The following TC2N variants were observed in gnomAD, a reference collection of about 807,000 sequenced individuals.
The protein encoded by TC2N is tandem C2 domains nuclear protein.
In TC2N, 51 loss-of-function variants were observed where a neutral mutation model predicts 61.9. The ratio of observed to expected loss-of-function variants is 0.82; its 90% CI spans 0.66 to 1.04. TC2N has a LOEUF of 1.04. TC2N is among the 50% of genes least tolerant of loss of function. The pLI is 0.00. For missense variants in TC2N, 556 were observed against 566.7 expected, an observed-to-expected ratio of 0.98 and a Z score of 0.19; for synonymous variants, 204 against 192.6, an observed-to-expected ratio of 1.06 and a Z score of -0.49.
rs762164299 is a variant in TC2N, at chr14:91,812,512, G to A, written c.101C>T (p.Pro34Leu). ...AGAGATAGTAGCATTTTGACTATTT[G>A]GGACTGCTGCTTTAAAATCTCTTTC... Reference protein sequence around the residue: ...SVERDFKAAVPNSQNATISVP... With the variant: ...SVERDFKAAVLNSQNATISVP... The change falls in exon 3 of 12, where the codon CCA (proline) becomes CTA (leucine). Residue 34 changes from proline to leucine, a missense_variant. Transcript: ENST00000435962. 2.5e-6 allele frequency: 4 copies of A among 1,593,624 alleles called. No individual in the cohort carries two copies. The highest frequency in any genetic ancestry group is 2.6e-6 in the Non-Finnish European group (3 of 1,166,478).
chr14:91,791,415 C>T (rs551066814), intron 9 of TC2N, among the ~76,000 whole-genome samples: 17 of 152,004 alleles, frequency 1.1e-4, no homozygotes, highest in African/African-American at 3.1e-4. Flanking sequence ...AATTTAAAAC[C>T]GCATATAGGT....
chr14:91,855,530 T>A (rs1211195263), intron 1 of TC2N, among the ~76,000 whole-genome samples: 1 of 152,250 alleles, frequency 6.6e-6, no homozygotes, highest in Non-Finnish European at 1.5e-5. Flanking sequence ...TGTCCTCTTG[T>A]AAGGACATCA....
intron 9 of TC2N, among the ~76,000 whole-genome samples, chr14:91,789,441 AAG>A (rs1223646692): frequency 3.0e-5 from 4 of 133,866 alleles, no homozygotes; most frequent in African/African-American, 1.5e-4. Flanking sequence ...AAAAAAAAAA[AAG>A]AAGAAGAAAA....
chr14:91,785,224 T>C lies in TC2N; in HGVS notation c.1300A>G (p.Ile434Val). The change falls in exon 11 of 12, where the codon ATT becomes GTT. Residue 434 changes from isoleucine (I) to valine (V), a missense_variant. Coordinates refer to ENST00000435962, the MANE Select transcript of TC2N (RefSeq NM_001128596.3). Reference sequence around the variant, plus strand: ...CTGTAAAGCTTAATGAGAAAAACAATTTCTTTTTCACTCTGTATAAGTGGA... The same window carrying C: ...CTGTAAAGCTTAATGAGAAAAACAACTTCTTTTTCACTCTGTATAAGTGGA... ...IFPLIQSEKE[I>V]VFLIKLYSRS... is the part of the protein sequence containing the mutation. 6.2e-7 allele frequency: 1 copy of C among 1,613,702 alleles called. No individual in the cohort carries two copies. The highest frequency in any genetic ancestry group is 1.1e-5 in the South Asian group (1 of 91,062).
At position 91,797,866 on chromosome 14, in the gene TC2N, G is replaced by A; in HGVS notation, c.774C>T (p.Asp258=). ...TTCCTTTTATAGAAACAGTAGGAGT[G>A]TCTCCATAACTAGAGGGCCAACTTA... The part of the protein sequence containing the change: ...RDLSWPSSYG[D]TPTVSIKGIL... The change falls in exon 8 of 12, where the codon GAC becomes GAT. Residue 258 remains aspartate, a synonymous_variant. Coordinates refer to ENST00000435962, the MANE Select transcript of TC2N (RefSeq NM_001128596.3). 2 of 1,608,132 alleles carry A rather than the reference G, an allele frequency of 1.2e-6. No individual in the cohort carries two copies. The highest frequency in any genetic ancestry group is 1.7e-6 in the Non-Finnish European group (2 of 1,176,772).
chr14:91,807,006 G>A (rs1346344658), intron 3 of TC2N, among the ~76,000 whole-genome samples: 3 of 152,192 alleles, frequency 2.0e-5, no homozygotes, highest in African/African-American at 7.2e-5. Context: ...TGGCTAAAGG[G>A]GCCAAGGTAC....
At chr14:91,811,149 T>C (rs551476177) in intron 3 of TC2N, among the ~76,000 whole-genome samples, 4 of 152,190 alleles carry the variant, frequency 2.6e-5, no homozygotes, top group African/African-American at 9.6e-5. Context: ...TGTAAAGAGA[T>C]CGTTGAACCC....
intron 7 of TC2N, 21 bp from the exon 8 acceptor site, chr14:91,797,922 G>T: frequency 7.2e-7 from 1 of 1,395,026 alleles, no homozygotes; most frequent in Non-Finnish European, 1.0e-6. Flanking sequence ...TAAAAATACA[G>T]TTTGAATTTT....
At chr14:91,853,088 C>T (rs1888407062) in intron 1 of TC2N, among the ~76,000 whole-genome samples, 1 of 152,050 alleles carries the variant, frequency 6.6e-6, no homozygotes, top group Non-Finnish European at 1.5e-5. Flanking sequence ...AACAAACAAA[C>T]AAACAACGAC....
intron 3 of TC2N, chr14:91,812,026 G>T: frequency 1.1e-5 from 2 of 176,358 alleles, no homozygotes; most frequent in Non-Finnish European, 2.4e-5. Flanking sequence ...TTTTTGAGGT[G>T]CAGTTGGTTA....
chr14:91,810,475 T>C (rs1886714580), intron 3 of TC2N, among the ~76,000 whole-genome samples: 1 of 152,048 alleles, frequency 6.6e-6, no homozygotes, highest in African/African-American at 2.4e-5. Flanking sequence ...CTCCACAACA[T>C]AACATTCAAT....
At chr14:91,824,257 C>T (rs1476966424) in intron 1 of TC2N, among the ~76,000 whole-genome samples, 1 of 152,172 alleles carries the variant, frequency 6.6e-6, no homozygotes, top group Non-Finnish European at 1.5e-5. Context: ...CAGGGGCCTC[C>T]ATGACTCTGC....
intron 1 of TC2N, among the ~76,000 whole-genome samples, chr14:91,843,824 C>G (rs995685420): frequency 6.6e-6 from 1 of 152,128 alleles, no homozygotes; most frequent in African/African-American, 2.4e-5. Flanking sequence ...TTAGTTTACA[C>G]GTTAGTCTCT....
At chr14:91,817,350 A>G (rs1379073830) in intron 1 of TC2N, among the ~76,000 whole-genome samples, 1 of 151,946 alleles carries the variant, frequency 6.6e-6, no homozygotes, top group Non-Finnish European at 1.5e-5. Context: ...CAGCCCCAGC[A>G]TATCAGAGTA....
chr14:91,814,785 T>A (rs890377745), intron 1 of TC2N, among the ~76,000 whole-genome samples: 17 of 151,644 alleles, frequency 1.1e-4, no homozygotes, highest in African/African-American at 3.6e-4. Flanking sequence ...ATAGCATTAC[T>A]CCATGTGAAT....
chr14:91,781,120 TATTAA>T lies in TC2N; in HGVS notation c.*1975_*1979del, dbSNP rs1566755670. On this transcript the variant is annotated 3_prime_UTR_variant, in exon 12 of 12. Transcript: ENST00000435962. ...ATTAAGTTAAATGCATGACTACATA[TATTAA>T]ATTTGGAAATTCAAAGCATTAATAG... The T allele has an allele frequency of 6.6e-6, 1 of 152,112 alleles. No individual in the cohort carries two copies. The highest frequency in any genetic ancestry group is 2.4e-5 in the African/African-American group (1 of 41,442). 9.4% of individuals were successfully genotyped at this position (152,112 alleles called of 1,614,324 possible).
chr14:91,787,373 T>C, intron 10 of TC2N, 140 bp downstream of exon 10: 1 of 552,504 alleles, frequency 1.8e-6, no homozygotes, highest in South Asian at 3.1e-5. Context: ...TTTGAAATCT[T>C]ATAATTTTAA....
chr14:91,843,595 C>G (rs1201396077), intron 1 of TC2N, among the ~76,000 whole-genome samples: 1 of 152,202 alleles, frequency 6.6e-6, no homozygotes, highest in Non-Finnish European at 1.5e-5. Context: ...AAATAACATT[C>G]GAAGCCTATC....
chr14:91,836,340 G>C (rs1020450232), intron 1 of TC2N: 1 of 152,088 alleles, frequency 6.6e-6, no homozygotes, highest in African/African-American at 2.4e-5. Context: ...CGCCCGCGCT[G>C]GGCCGGCGCC....
Sources: allele counts gnomAD v4.1 joint callset (sites outside exome capture counted in the v4.1 genomes callset), GRCh38; gene constraint gnomAD v4.1.1; transcripts MANE v1.5; gene names NCBI Gene and HGNC (gene_info 2026-07-23, HGNC 2026-07-21).